The following ABCB5 variants were observed in gnomAD, a reference collection of about 807,000 sequenced individuals.
ABCB5 encodes ATP-binding cassette sub-family B member 5.
In ABCB5, 155 loss-of-function variants were observed where a neutral mutation model predicts 144.2. The ratio of observed to expected loss-of-function variants is 1.08; its 90% CI spans 0.94 to 1.23. The LOEUF (loss-of-function observed/expected upper bound fraction) is 1.23. Ranked by LOEUF, ABCB5 falls within the 50% of genes most tolerant of loss-of-function variation. ABCB5 has a pLI of 0.00. For missense variants in ABCB5, 1,830 were observed against 1,520.8 expected, an observed-to-expected ratio of 1.20 and a Z score of -3.38; for synonymous variants, 610 against 528.6, an observed-to-expected ratio of 1.15 and a Z score of -2.11.
intron 14 of ABCB5, among the ~76,000 whole-genome samples, chr7:20,675,420 T>C (rs1260486705): frequency 6.6e-6 from 1 of 151,958 alleles, no homozygotes; most frequent in Non-Finnish European, 1.5e-5. Flanking sequence ...ACAAATGATA[T>C]TGGGAAAATT....
chr7:20,617,199 C>T (rs1783705906), intron 1 of ABCB5, among the ~76,000 whole-genome samples: 1 of 152,098 alleles, frequency 6.6e-6, no homozygotes, highest in South Asian at 2.1e-4. Context: ...CTGTTCAGTG[C>T]TTAAAACAGT....
intron 5 of ABCB5, among the ~76,000 whole-genome samples, chr7:20,635,387 CT>C (rs71020650): frequency 0.46 from 66,103 of 142,702 alleles, 15,275 homozygotes; most frequent in African/African-American, 0.59. Context: ...GTTATAAAGG[CT>C]TTTTTTTTTT....
chr7:20,699,594 G>A (rs991027809), intron 17 of ABCB5, among the ~76,000 whole-genome samples: 9 of 151,912 alleles, frequency 5.9e-5, no homozygotes, highest in East Asian at 1.9e-4. Context: ...CCAGCTACTC[G>A]GGAGGCTGAG....
rs1784390266 is a variant in ABCB5, at chr7:20,645,785, A to G, written c.708A>G (p.Leu236=). 1 of 1,613,728 alleles carries G rather than the reference A, an allele frequency of 6.2e-7. No individual in the cohort carries two copies. Residue 236 remains leucine (L), a synonymous_variant, in exon 8 of 28, where the codon TTA becomes TTG. Transcript: ENST00000404938. ...TCATCTCATTGACCAGTAAGGAATTAAGTGCCTATTCCAAAGCTGGGGCTG... is the reference window on the plus strand; with the variant it reads ...TCATCTCATTGACCAGTAAGGAATTGAGTGCCTATTCCAAAGCTGGGGCTG... ...RMVISLTSKE[L]SAYSKAGAVA...
chr7:20,744,867 T>C (rs1283735520), intron 25 of ABCB5, among the ~76,000 whole-genome samples: 2 of 152,174 alleles, frequency 1.3e-5, no homozygotes, highest in African/African-American at 4.8e-5. Context: ...CCTCACGTAG[T>C]GAGCATGCTC....
chr7:20,728,777 G>A (rs904511504), intron 23 of ABCB5, among the ~76,000 whole-genome samples: 16 of 152,054 alleles, frequency 1.1e-4, no homozygotes, highest in African/African-American at 3.9e-4. Flanking sequence ...TAATTAATAA[G>A]TTGTGGAAAT....
chr7:20,750,103 C>A (rs1323054212), intron 26 of ABCB5, among the ~76,000 whole-genome samples: 4 of 152,114 alleles, frequency 2.6e-5, no homozygotes. Context: ...TGGAATTACT[C>A]ATCTAGCAGC....
chr7:20,649,619 C>A (rs1352796907), intron 11 of ABCB5, among the ~76,000 whole-genome samples: 6 of 152,120 alleles, frequency 3.9e-5, no homozygotes, highest in African/African-American at 1.4e-4. Flanking sequence ...ATATGCTTTG[C>A]AATTATGTTA....
rs538069443 is a variant in ABCB5, at chr7:20,699,749, T to A, written c.2155-76T>A. On this transcript the variant is annotated intron_variant, in intron 17 of 27. Transcript: ENST00000404938. Reference sequence around the variant, plus strand: ...AAGAAATGTATTTTAAAACTCCTGATATACAGAAATTTTCACTTTTTCTGT... The same window carrying A: ...AAGAAATGTATTTTAAAACTCCTGAAATACAGAAATTTTCACTTTTTCTGT... 5.0e-5 allele frequency: 46 copies of A among 923,060 alleles called. No individual in the cohort carries two copies. In the South Asian group the frequency reaches 7.3e-4, roughly 15 times the overall value. 57.2% of individuals were successfully genotyped at this position (923,060 alleles called of 1,614,324 possible). A position where few individuals can be genotyped will look rare whatever the true frequency, so the allele number is the denominator to read the frequency against.
In ABCB5 at chr7:20,738,984, G is replaced by A. The variant is rs1782475433; in HGVS notation, c.2869G>A (p.Val957Ile). 4 of 1,594,220 alleles carry A rather than the reference G, an allele frequency of 2.5e-6. No homozygotes were observed. The highest frequency in any genetic ancestry group is 2.3e-5 in the East Asian group (1 of 44,088). The change falls in exon 24 of 28, where the codon GTT (valine) becomes ATT (isoleucine). Residue 957 changes from valine to isoleucine, a missense_variant and splice_region_variant. By Grantham distance (29) the Val-to-Ile change is conservative. Coordinates refer to ENST00000404938, the MANE Select transcript of ABCB5 (RefSeq NM_001163941.2). Reference protein sequence around the residue: ...GRMTPEGMFIVFTAIAYGAMA... With the variant: ...GRMTPEGMFIIFTAIAYGAMA... ...TTCAAATGCTTTATCTTTTGATAGA[G>A]TTTTTACTGCAATTGCATATGGAGC...
At chr7:20,669,823 T>G (rs1391923098) in intron 14 of ABCB5, among the ~76,000 whole-genome samples, 1 of 149,902 alleles carries the variant, frequency 6.7e-6, no homozygotes, top group Non-Finnish European at 1.5e-5. Flanking sequence ...GCTAGGTGCC[T>G]GAGTGTTTTT....
At chr7:20,640,169 G>A (rs79320235) in intron 5 of ABCB5, among the ~76,000 whole-genome samples, 2 of 151,888 alleles carry the variant, frequency 1.3e-5, no homozygotes, top group East Asian at 1.9e-4. Flanking sequence ...TCCTTGAATA[G>A]TCCCTCTTAC....
intron 1 of ABCB5, among the ~76,000 whole-genome samples, chr7:20,622,914 T>A (rs1482885823): frequency 2.0e-5 from 3 of 152,130 alleles, no homozygotes; most frequent in Non-Finnish European, 4.4e-5. Flanking sequence ...GATTAAAAAT[T>A]TTCACCAATT....
intron 14 of ABCB5, among the ~76,000 whole-genome samples, chr7:20,678,434 G>A (rs538665102): frequency 1.5e-4 from 23 of 152,268 alleles, no homozygotes; most frequent in Non-Finnish European, 1.9e-4. Context: ...CTGAGGCCCT[G>A]AACAAGCTTC....
chr7:20,727,139 A>G lies in ABCB5; in HGVS notation c.2725A>G (p.Arg909Gly). 1.9e-6 allele frequency: 3 copies of G among 1,610,734 alleles called. No individual in the cohort carries two copies. Among genetic ancestry groups the G allele is most frequent in the Non-Finnish European group, 2.5e-6 (3 of 1,177,946 alleles). ...TGAAGAGATGCTTCAGACTCAACAC[A>G]GGTGATTATAGATTCATACTGACTT... ...MYEEMLQTQH[R>G]NTSKKAQIIG... Residue 909 changes from arginine to glycine, a missense_variant and splice_region_variant, in exon 22 of 28, where the codon AGA becomes GGA. By Grantham distance (125) the Arg-to-Gly change is moderately radical. Transcript: ENST00000404938.
At chr7:20,722,044 CA>C (rs1408800086) in intron 20 of ABCB5, among the ~76,000 whole-genome samples, 2 of 152,072 alleles carry the variant, frequency 1.3e-5, no homozygotes, top group Non-Finnish European at 2.9e-5. Context: ...AAATTCCTAG[CA>C]AATGTGATTA....
chr7:20,660,029 T>A, intron 14 of ABCB5: 1 of 985,514 alleles, frequency 1.0e-6, no homozygotes, highest in Non-Finnish European at 1.2e-6. Context: ...GCTCTCTGAT[T>A]GTTTAGAAGG....
chr7:20,615,986 T>C (rs1453562434), intron 1 of ABCB5, 149 bp downstream of exon 1: 1 of 152,222 alleles, frequency 6.6e-6, no homozygotes, highest in East Asian at 1.9e-4. Context: ...TCAGAAATGA[T>C]CATCCTACTA....
At chr7:20,628,557 A>T (rs1177761187) in intron 3 of ABCB5, 131 bp from the exon 4 acceptor site, 2 of 845,154 alleles carry the variant, frequency 2.4e-6, no homozygotes, top group Non-Finnish European at 3.5e-6. Context: ...TTATGCACTT[A>T]TTTACCATCT....
Sources: allele counts gnomAD v4.1 joint callset (sites outside exome capture counted in the v4.1 genomes callset), GRCh38; gene constraint gnomAD v4.1.1; transcripts MANE v1.5; gene names NCBI Gene and HGNC (gene_info 2026-07-23, HGNC 2026-07-21).